The following SCOC variants were observed in gnomAD, a reference collection of about 807,000 sequenced individuals.
SCOC encodes the protein short coiled-coil protein, also known as short coiled coil protein.
Under a neutral mutation model 9.9 loss-of-function variants are expected in SCOC, and 7 were observed. The ratio of observed to expected loss-of-function variants is 0.71; its 90% CI spans 0.40 to 1.33. SCOC has a LOEUF of 1.33. Among genes scored for constraint, SCOC ranks in the 40% most tolerant of loss-of-function variants. The pLI is 0.01. For synonymous variants in SCOC, 19 were observed against 28.2 expected (o/e 0.67, Z 1.03); for missense variants, 66 against 89.7 (o/e 0.74, Z 1.07).
Position 140,382,600 on chromosome 4 carries a change from T to G in SCOC, c.*1496T>G, listed in dbSNP as rs1026813951. The stretch of plus-strand genomic sequence containing the variant: ...TGCCTAAGTAAATGGGGTATTTAGG[T>G]ATAGTGGTGTATCCAGGGTTATTCA... On this transcript the variant is annotated 3_prime_UTR_variant, in exon 4 of 4. Transcript: ENST00000608372. 1.3e-5 allele frequency: 2 copies of G among 152,720 alleles called. No individual in the cohort carries two copies. The highest frequency in any genetic ancestry group is 2.9e-5 in the Non-Finnish European group (2 of 68,032). The allele number at this position is 152,720 out of a possible 1,614,324, so 9.5% of individuals were successfully genotyped here.
At chr4:140,294,875 CTA>C (rs1731579350) in intron 1 of SCOC, among the ~76,000 whole-genome samples, 1 of 152,194 alleles carries the variant, frequency 6.6e-6, no homozygotes, top group African/African-American at 2.4e-5. Flanking sequence ...GCTCTTATAA[CTA>C]TTTCTTCTCC....
intron 1 of SCOC, among the ~76,000 whole-genome samples, chr4:140,296,217 T>A (rs189386011): frequency 1.3e-5 from 2 of 152,226 alleles, no homozygotes; most frequent in East Asian, 3.9e-4. Context: ...CAGCCCCCAC[T>A]GGCATTAATA....
At chr4:140,335,794 GAATGATGATTAATTTACT>G (rs1732941358) in intron 1 of SCOC, among the ~76,000 whole-genome samples, 1 of 152,142 alleles carries the variant, frequency 6.6e-6, no homozygotes, top group South Asian at 2.1e-4. Context: ...GGGAGTGTGA[GAATGATGATTAATTTACT>G]AATTTTCCTC....
chr4:140,368,493 AG>A (rs746279293), intron 2 of SCOC, among the ~76,000 whole-genome samples: 5 of 152,218 alleles, frequency 3.3e-5, no homozygotes, highest in Admixed American at 6.5e-5. Flanking sequence ...GAGAAAAATA[AG>A]GACTGTAAAC....
intron 1 of SCOC, among the ~76,000 whole-genome samples, chr4:140,313,103 T>C (rs1430019317): frequency 6.6e-6 from 1 of 152,232 alleles, no homozygotes; most frequent in Non-Finnish European, 1.5e-5. Flanking sequence ...AAACTCTCGC[T>C]AAGTCAGTCC....
intron 1 of SCOC, among the ~76,000 whole-genome samples, chr4:140,269,860 C>T (rs796779509): frequency 1.2e-4 from 19 of 152,204 alleles, no homozygotes; most frequent in African/African-American, 4.3e-4. Context: ...AAGCGAGTCT[C>T]CCACCTCAGC....
chr4:140,373,390 T>C (rs928417093), upstream of SCOC: 6 of 1,459,964 alleles, frequency 4.1e-6, no homozygotes, highest in Non-Finnish European at 5.4e-6. Context: ...GCCGCTTAGC[T>C]TCGCTTCTTT....
In SCOC at chr4:140,362,025, CAGCCTTTAGAGCAGACACTGAG is replaced by C. The variant is rs571777157; in HGVS notation, c.71-17093_71-17072del. Among the ~76,000 whole-genome samples, 644 of 151,768 alleles carry C rather than the reference CAGCCTTTAGAGCAGACACTGAG, an allele frequency of 4.2e-3. 9 individuals carry two copies. The highest frequency in any genetic ancestry group is 0.015 in the African/African-American group (603 of 41,436). Reference sequence around the variant, plus strand: ...GAACTTGATTTAAATTGGTTGTCATCAGCCTTTAGAGCAGACACTGAGAGTGATTCTGAGCACGACACAGACA... The same window carrying C: ...GAACTTGATTTAAATTGGTTGTCATCAGTGATTCTGAGCACGACACAGACA... On this transcript the variant is annotated intron_variant, in intron 2 of 4. Transcript: ENST00000338517.
At chr4:140,337,151 T>G (rs1214147920) in intron 1 of SCOC, among the ~76,000 whole-genome samples, 2 of 152,230 alleles carry the variant, frequency 1.3e-5, no homozygotes, top group Non-Finnish European at 2.9e-5. Context: ...CCTTAGCAGA[T>G]ATGTGATTTG....
chr4:140,313,791 GT>G (rs142732219), intron 1 of SCOC, among the ~76,000 whole-genome samples: 12,268 of 149,058 alleles, frequency 0.082, 552 homozygotes, highest in African/African-American at 0.13. Context: ...ATTCAGTCCT[GT>G]TTTTTTTTTA....
intron 1 of SCOC, among the ~76,000 whole-genome samples, chr4:140,316,217 T>G (rs987217911): frequency 3.9e-5 from 6 of 152,158 alleles, no homozygotes; most frequent in Non-Finnish European, 7.4e-5. Flanking sequence ...CTGGGGACAT[T>G]TTCATTCAGA....
At chr4:140,366,727 A>G (rs1013532180) in intron 2 of SCOC, 1 of 1,581,210 alleles carries the variant, frequency 6.3e-7, no homozygotes, top group Non-Finnish European at 8.7e-7. Context: ...CTGTCTCCTC[A>G]CTTGAGTGCA....
intron 1 of SCOC, chr4:140,314,231 C>T: frequency 4.8e-6 from 1 of 208,576 alleles, no homozygotes; most frequent in African/African-American, 2.3e-5. Context: ...CTATCCCTGT[C>T]AGTTTTGAAA....
At chr4:140,293,533 AG>A (rs1731538417) in intron 1 of SCOC, 1 of 385,234 alleles carries the variant, frequency 2.6e-6, no homozygotes, top group Admixed American at 3.1e-5. Context: ...GAAGAAAGGA[AG>A]GATTGCAATG....
chr4:140,289,933 T>C (rs1731417948), intron 1 of SCOC, among the ~76,000 whole-genome samples: 1 of 152,238 alleles, frequency 6.6e-6, no homozygotes, highest in Non-Finnish European at 1.5e-5. Flanking sequence ...TTTTAGTGGG[T>C]ATTAAAGTGT....
At chr4:140,339,107 G>C (rs1726393124), upstream of SCOC, among the ~76,000 whole-genome samples, 4 of 152,276 alleles carry the variant, frequency 2.6e-5, no homozygotes, top group South Asian at 8.3e-4. Flanking sequence ...CAGAGATATA[G>C]ACCAATGGAA....
At chr4:140,262,904 A>G (rs1399363473) in intron 1 of SCOC, among the ~76,000 whole-genome samples, 3 of 152,082 alleles carry the variant, frequency 2.0e-5, no homozygotes, top group Non-Finnish European at 4.4e-5. Flanking sequence ...AAACAGCCCC[A>G]GGTAGATAGT....
upstream of SCOC, among the ~76,000 whole-genome samples, chr4:140,372,216 T>C (rs1475511833): frequency 1.3e-5 from 2 of 152,240 alleles, no homozygotes; most frequent in Non-Finnish European, 2.9e-5. Flanking sequence ...GTGGAATGTA[T>C]CTTATACTAC....
chr4:140,319,203 T>C (rs1262926746), intron 1 of SCOC, among the ~76,000 whole-genome samples: 1 of 152,192 alleles, frequency 6.6e-6, no homozygotes, highest in African/African-American at 2.4e-5. Flanking sequence ...GTGATTATCC[T>C]GCCTCAGCCT....
Sources: allele counts gnomAD v4.1 joint callset (sites outside exome capture counted in the v4.1 genomes callset), GRCh38; gene constraint gnomAD v4.1.1; transcripts MANE v1.5; gene names NCBI Gene and HGNC (gene_info 2026-07-23, HGNC 2026-07-21).